Variants in SPINK5 observed in about 807,000 individuals in gnomAD.
The protein encoded by SPINK5 is serine protease inhibitor Kazal-type 5.
Under a neutral mutation model 151.8 loss-of-function variants are expected in SPINK5, and 125 were observed. That is an observed-to-expected ratio of 0.82 (90% confidence interval 0.71 to 0.96). The LOEUF is 0.96. SPINK5 is among the 40% of genes least tolerant of loss of function. The pLI is 0.00. For synonymous variants in SPINK5, 374 were observed against 395.3 expected, an observed-to-expected ratio of 0.95 and a Z score of 0.64; for missense variants, 1,194 against 1,291.9, an observed-to-expected ratio of 0.92 and a Z score of 1.16.
chr5:148,086,522 G>A lies in SPINK5; in HGVS notation c.400G>A (p.Ala134Thr), dbSNP rs1242977589. Residue 134 changes from alanine (A) to threonine (T), a missense_variant, in exon 5 of 33, where the codon GCT becomes ACT. Ala to Thr is a moderately conservative substitution (Grantham distance 58). Transcript: ENST00000256084. ...KTYDNRCALCAENAKTGSQIG... is the reference protein window; with the variant it reads ...KTYDNRCALCTENAKTGSQIG... ...ATATGACAACAGATGTGCACTGTGT[G>A]CTGAGAATGCGTGAGTATTCTCTGA... 5 of 1,611,166 alleles carry A rather than the reference G, an allele frequency of 3.1e-6. No homozygotes were observed. Among genetic ancestry groups the A allele is most frequent in the Non-Finnish European group, 4.2e-6 (5 of 1,178,422 alleles).
chr5:148,103,723 G>T (rs1248460277), intron 15 of SPINK5, among the ~76,000 whole-genome samples: 1 of 151,982 alleles, frequency 6.6e-6, no homozygotes, highest in East Asian at 1.9e-4. Context: ...AAAGGTGATT[G>T]ATTTTTTTTG....
At chr5:148,120,438 G>A (rs925882791) in intron 26 of SPINK5, 47 bp downstream of exon 26, 1 of 1,552,518 alleles carries the variant, frequency 6.4e-7, no homozygotes, top group Non-Finnish European at 8.7e-7. Context: ...TTAGTTCATT[G>A]TATGGTATAT....
At chr5:148,089,698 T>G (rs1368308275) in intron 7 of SPINK5, 77 bp downstream of exon 7, 27 of 1,602,600 alleles carry the variant, frequency 1.7e-5, no homozygotes, top group East Asian at 6.7e-5. Context: ...AGCAGAGAGA[T>G]AAAATCCTTT....
chr5:148,106,070 G>C (rs1284720463), intron 16 of SPINK5, among the ~76,000 whole-genome samples: 1 of 151,072 alleles, frequency 6.6e-6, no homozygotes, highest in East Asian at 1.9e-4. Flanking sequence ...TCTTTTCATT[G>C]ATCATTTAGA....
chr5:148,093,239 G>T (rs1013458101), intron 8 of SPINK5, among the ~76,000 whole-genome samples: 4 of 151,838 alleles, frequency 2.6e-5, no homozygotes, highest in Non-Finnish European at 5.9e-5. Context: ...CATTTTTTTG[G>T]TAAAGTTTAG....
chr5:148,072,049 C>A, intron 3 of SPINK5, 99 bp from the exon 4 acceptor site: 2 of 1,123,778 alleles, frequency 1.8e-6, no homozygotes, highest in Non-Finnish European at 2.7e-6. Flanking sequence ...CCAGGCTAGG[C>A]TGAGGAGAGC....
chr5:148,136,952 T>C (rs1185731647), intron 32 of SPINK5, 31 bp from the exon 33 acceptor site: 1 of 1,613,590 alleles, frequency 6.2e-7, no homozygotes, highest in Non-Finnish European at 8.5e-7. Context: ...CTCTGGGTTC[T>C]AGCATCTAAC....
intron 3 of SPINK5, among the ~76,000 whole-genome samples, chr5:148,071,597 A>G (rs934470790): frequency 9.2e-5 from 14 of 152,110 alleles, no homozygotes; most frequent in African/African-American, 3.4e-4. Context: ...ATGCCTTAAG[A>G]GTCTAAAGAC....
chr5:148,074,008 C>T (rs1198182989), intron 4 of SPINK5, among the ~76,000 whole-genome samples: 1 of 151,758 alleles, frequency 6.6e-6, no homozygotes, highest in South Asian at 2.1e-4. Context: ...CAAATAAGTT[C>T]TGTCTAAATT....
At chr5:148,117,055 A>G (rs1042221293) in intron 22 of SPINK5, among the ~76,000 whole-genome samples, 2 of 152,232 alleles carry the variant, frequency 1.3e-5, no homozygotes, top group African/African-American at 2.4e-5. Flanking sequence ...CAGCATGGCA[A>G]TGTTGCACAT....
At chr5:148,133,939 G>T (rs1754638018) in intron 32 of SPINK5, 52 bp downstream of exon 32, 1 of 1,590,718 alleles carries the variant, frequency 6.3e-7, no homozygotes, top group Non-Finnish European at 8.6e-7. Flanking sequence ...GGAGCACTGG[G>T]TTCTGGTTTT....
At chr5:148,131,198 T>G in intron 30 of SPINK5, 61 bp from the exon 31 acceptor site, 3 of 1,604,598 alleles carry the variant, frequency 1.9e-6, no homozygotes, top group Non-Finnish European at 2.6e-6. Context: ...GAGGTTTTCT[T>G]AAGCCCACCC....
Position 148,111,774 on chromosome 5 carries a change from T to C in SPINK5, c.1699T>C (p.Cys567Arg). ...CTTCTGCTTCATTTGGCAGGAGCTG[T>C]GCAGTGAATATCGTCATTATGTGAG... Reference protein sequence around the residue: ...KVKREAVQELCSEYRHYVRNG... With the variant: ...KVKREAVQELRSEYRHYVRNG... Residue 567 changes from cysteine (C) to arginine (R), a missense_variant, in exon 19 of 33, where the codon TGC becomes CGC. Coordinates refer to ENST00000256084, the MANE Select transcript of SPINK5 (RefSeq NM_006846.4). 6.2e-7 allele frequency: 1 copy of C among 1,614,024 alleles called. No homozygotes were observed. The highest frequency in any genetic ancestry group is 8.5e-7 in the Non-Finnish European group (1 of 1,179,908).
At chr5:148,107,286 A>G in intron 17 of SPINK5, 122 bp downstream of exon 17, 1 of 1,332,816 alleles carries the variant, frequency 7.5e-7, no homozygotes, top group Non-Finnish European at 1.1e-6. Context: ...GTTTACAAGC[A>G]GATGGATAAG....
At chr5:148,077,355 C>A (rs1393008197) in intron 4 of SPINK5, among the ~76,000 whole-genome samples, 5 of 150,832 alleles carry the variant, frequency 3.3e-5, no homozygotes, top group Non-Finnish European at 7.4e-5. Flanking sequence ...AAAGATTAAG[C>A]AATATTCTAT....
chr5:148,073,822 A>T (rs1211076805), intron 4 of SPINK5, among the ~76,000 whole-genome samples: 2 of 122,624 alleles, frequency 1.6e-5, no homozygotes, highest in Non-Finnish European at 3.3e-5. Flanking sequence ...AGTCACACAC[A>T]CACACACACA....
intron 4 of SPINK5, among the ~76,000 whole-genome samples, chr5:148,081,030 G>A (rs976400702): frequency 7.3e-5 from 11 of 151,562 alleles, no homozygotes; most frequent in Admixed American, 3.3e-4. Context: ...GCGCAACACC[G>A]TTATTATTTA....
At chr5:148,074,671 T>C (rs1752834315) in intron 4 of SPINK5, among the ~76,000 whole-genome samples, 2 of 151,786 alleles carry the variant, frequency 1.3e-5, no homozygotes, top group Admixed American at 1.3e-4. Flanking sequence ...TATAAAAACT[T>C]CATCTTGAAT....
intron 5 of SPINK5, among the ~76,000 whole-genome samples, chr5:148,088,060 G>C (rs1235256797): frequency 6.6e-6 from 1 of 151,558 alleles, no homozygotes; most frequent in Non-Finnish European, 1.5e-5. Context: ...TACTTTAAAG[G>C]TCTACGAGAC....
Sources: gnomAD v4.1 joint callset for allele counts (sites outside exome capture counted in the v4.1 genomes callset) on GRCh38, gnomAD v4.1.1 for gene constraint, MANE v1.5 for transcripts, NCBI Gene and HGNC (gene_info 2026-07-23, HGNC 2026-07-21) for gene names.